MAF: variants seen among roughly 807,000 people sequenced by gnomAD.
MAF encodes MAF bZIP transcription factor, also known as transcription factor Maf.
Under a neutral mutation model 22.0 loss-of-function variants are expected in MAF, and 10 were observed. The ratio of observed to expected loss-of-function variants is 0.45; its 90% CI spans 0.28 to 0.77. The LOEUF is 0.77. MAF is among the 30% of genes least tolerant of loss of function. MAF has a pLI of 0.12. For missense variants in MAF, 544 were observed against 548.4 expected (o/e 0.99, Z 0.08); for synonymous variants, 337 against 255.8 (o/e 1.32, Z -3.03).
the MAF span, chr16:79,203,519 T>C: frequency 6.7e-6 from 1 of 148,924 alleles, no homozygotes; most frequent in Admixed American, 6.7e-5. Context: ...TTTTCTTCAG[T>C]GCTTTTTCAG....
the MAF span, chr16:79,212,292 TAGC>T: frequency 9.5e-7 from 1 of 1,049,010 alleles, no homozygotes; most frequent in East Asian, 2.6e-5. Flanking sequence ...TGAGCCAGCT[TAGC>T]AACTGCTGGG....
At chr16:79,395,718 T>C in the MAF span, among the ~76,000 whole-genome samples, 1 of 152,144 alleles carries the variant, frequency 6.6e-6, no homozygotes, top group Non-Finnish European at 1.5e-5. Flanking sequence ...CCAACACAAC[T>C]TGATTTTGGA....
the MAF span, among the ~76,000 whole-genome samples, chr16:79,240,183 G>C: frequency 5.0e-3 from 751 of 151,710 alleles, 6 homozygotes; most frequent in African/African-American, 0.017. Flanking sequence ...AAATTAACTT[G>C]GGGATACTGG....
At chr16:79,568,643 A>G in the MAF span, among the ~76,000 whole-genome samples, 1 of 152,154 alleles carries the variant, frequency 6.6e-6, no homozygotes, top group Non-Finnish European at 1.5e-5. Flanking sequence ...CTGGCCTGCA[A>G]TACTAAATAG....
chr16:79,323,147 TAAAAAAAAAAAAAAAAAAAAAAA>T, the MAF span, among the ~76,000 whole-genome samples: 19 of 19,870 alleles, frequency 9.6e-4, no homozygotes, highest in East Asian at 4.1e-3. Context: ...AGACTCCATC[TAAAAAAAAAAAAAAAAAAAAAAA>T]AAAAAAAAAA....
chr16:79,267,123 C>A, the MAF span, among the ~76,000 whole-genome samples: 5 of 152,230 alleles, frequency 3.3e-5, no homozygotes, highest in African/African-American at 1.2e-4. Context: ...GAGACCCCAA[C>A]ATCTCAGAAG....
chr16:79,488,284 C>G, the MAF span, among the ~76,000 whole-genome samples: 4 of 152,064 alleles, frequency 2.6e-5, no homozygotes, highest in South Asian at 2.1e-4. Context: ...TTTAGGGGAC[C>G]AGGAAGGAGA....
chr16:79,521,236 G>A, the MAF span, among the ~76,000 whole-genome samples: 358 of 152,280 alleles, frequency 2.4e-3, 2 homozygotes, highest in African/African-American at 7.5e-3. Context: ...TTTACTTTTC[G>A]TTAATAGAAT....
the MAF span, among the ~76,000 whole-genome samples, chr16:79,461,412 C>T: frequency 1.3e-5 from 2 of 152,154 alleles, no homozygotes; most frequent in Non-Finnish European, 2.9e-5. Context: ...TCTCCTTTAC[C>T]CGATGGCTCC....
the MAF span, among the ~76,000 whole-genome samples, chr16:79,487,807 C>T: frequency 1.3e-5 from 2 of 152,154 alleles, no homozygotes; most frequent in African/African-American, 2.4e-5. Context: ...TGGGAATCCC[C>T]GTGGTTGCTA....
At chr16:79,469,880 C>T in the MAF span, among the ~76,000 whole-genome samples, 1 of 152,200 alleles carries the variant, frequency 6.6e-6, no homozygotes, top group Non-Finnish European at 1.5e-5. Flanking sequence ...CAGGCTTGAG[C>T]CACCGCGCCT....
At chr16:79,501,273 G>C in the MAF span, among the ~76,000 whole-genome samples, 1 of 152,148 alleles carries the variant, frequency 6.6e-6, no homozygotes, top group South Asian at 2.1e-4. Flanking sequence ...CTCTGTATCT[G>C]TCTTTGTGTT....
chr16:79,475,360 A>C, the MAF span, among the ~76,000 whole-genome samples: 2 of 89,806 alleles, frequency 2.2e-5, no homozygotes, highest in African/African-American at 5.8e-5. Flanking sequence ...GTATGTATAT[A>C]TATGTGTGTG....
the MAF span, among the ~76,000 whole-genome samples, chr16:79,336,966 AT>A: frequency 6.6e-6 from 1 of 152,212 alleles, no homozygotes; most frequent in Non-Finnish European, 1.5e-5. Context: ...AAAAATAAAC[AT>A]TTCAGACACT....
the MAF span, among the ~76,000 whole-genome samples, chr16:79,313,602 A>G: frequency 2.6e-5 from 4 of 152,036 alleles, no homozygotes; most frequent in Non-Finnish European, 4.4e-5. Context: ...TGGGGCCACA[A>G]TTTTCAGCTG....
At chr16:79,334,432 C>A in the MAF span, among the ~76,000 whole-genome samples, 3 of 152,208 alleles carry the variant, frequency 2.0e-5, no homozygotes, top group Non-Finnish European at 4.4e-5. Flanking sequence ...CTCTAGGGGG[C>A]GCTGACTGAG....
At chr16:79,543,066 C>G in the MAF span, among the ~76,000 whole-genome samples, 4 of 152,270 alleles carry the variant, frequency 2.6e-5, no homozygotes, top group East Asian at 5.8e-4. Context: ...AAATGTTAAG[C>G]CTTTTAAAAG....
chr16:79,213,281 G>A, the MAF span, among the ~76,000 whole-genome samples: 1 of 149,742 alleles, frequency 6.7e-6, no homozygotes, highest in African/African-American at 2.5e-5. Context: ...CTCTGCATCT[G>A]TGGTGCAGAG....
the MAF span, among the ~76,000 whole-genome samples, chr16:79,501,194 G>T: frequency 6.6e-6 from 1 of 152,160 alleles, no homozygotes; most frequent in Non-Finnish European, 1.5e-5. Flanking sequence ...AAGTCTTGGT[G>T]CTCTTTGGGT....
Sources: gnomAD v4.1 joint callset for allele counts (sites outside exome capture counted in the v4.1 genomes callset) on GRCh38, gnomAD v4.1.1 for gene constraint, MANE v1.5 for transcripts, NCBI Gene and HGNC (gene_info 2026-07-23, HGNC 2026-07-21) for gene names.